GPN3: variants seen among roughly 807,000 people sequenced by gnomAD.
GPN3 encodes the protein GPN-loop GTPase 3, also known as ATP-binding domain 1 family member C.
In GPN3, 31 loss-of-function variants were observed where a neutral mutation model predicts 38.7. The observed-to-expected ratio is 0.80, with a 90% CI of 0.60 to 1.08. The LOEUF (loss-of-function observed/expected upper bound fraction) is 1.08, where lower values mean the gene tolerates loss of function less well. Ranked by LOEUF, GPN3 falls within the 50% of genes least tolerant of loss-of-function variation. The probability of loss-of-function intolerance (pLI) is 0.00; values close to 1 mark genes in which losing one functional copy is unlikely to be tolerated. For synonymous variants in GPN3, 116 were observed against 120.2 expected (o/e 0.96, Z 0.23); for missense variants, 301 against 354.4 (o/e 0.85, Z 1.21).
At chr12:110,466,391 A>G (rs2062627546) in intron 1 of GPN3, among the ~76,000 whole-genome samples, 1 of 152,240 alleles carries the variant, frequency 6.6e-6, no homozygotes, top group East Asian at 1.9e-4. Flanking sequence ...TAATACAATC[A>G]GCCCAAAAAT....
chr12:110,464,882 C>T (rs781498896), intron 2 of GPN3: 65 of 507,228 alleles, frequency 1.3e-4, no homozygotes, highest in Non-Finnish European at 1.8e-4. Context: ...CATGAGCCTC[C>T]GCGCCCGGCC....
At chr12:110,466,238 A>G (rs1389040306) in intron 1 of GPN3, among the ~76,000 whole-genome samples, 1 of 152,140 alleles carries the variant, frequency 6.6e-6, no homozygotes, top group Non-Finnish European at 1.5e-5. Flanking sequence ...GTTTAAAGAT[A>G]AGCTCCACAA....
chr12:110,457,489 G>A (rs2135517539), intron 4 of GPN3, 21 bp downstream of exon 4: 13 of 635,778 alleles, frequency 2.0e-5, no homozygotes, highest in Non-Finnish European at 3.3e-5. Flanking sequence ...AAAAAAATCT[G>A]TAAGAGATTT....
intron 1 of GPN3, among the ~76,000 whole-genome samples, chr12:110,466,713 C>A (rs576077023): frequency 1.3e-5 from 2 of 152,094 alleles, no homozygotes; most frequent in African/African-American, 4.8e-5. Flanking sequence ...CCAGGCTGAC[C>A]CTGAACTCCT....
At chr12:110,463,993 CTATT>C (rs1057333355) in intron 2 of GPN3, among the ~76,000 whole-genome samples, 12 of 151,898 alleles carry the variant, frequency 7.9e-5, no homozygotes, top group African/African-American at 9.7e-5. Context: ...CACCTCCAGG[CTATT>C]TATTTATTTA....
chr12:110,468,271 G>A, upstream of GPN3: 1 of 1,601,462 alleles, frequency 6.2e-7, no homozygotes, highest in Non-Finnish European at 8.5e-7. Context: ...CTCCGGGAAA[G>A]TGAAGTGCGA....
intron 5 of GPN3, 23 bp from the exon 6 acceptor site, chr12:110,455,705 T>C (rs767642220): frequency 9.3e-7 from 1 of 1,076,602 alleles, no homozygotes; most frequent in South Asian, 1.3e-5. Context: ...GAAAGACTGA[T>C]GAATTCAGGA....
chr12:110,457,664 A>G, intron 3 of GPN3, 30 bp from the exon 4 acceptor site: 1 of 1,528,388 alleles, frequency 6.5e-7, no homozygotes, highest in Non-Finnish European at 8.9e-7. Context: ...AGAATTTTAG[A>G]AATAGCAAGT....
In GPN3 at chr12:110,455,832, T is replaced by G; in HGVS notation, c.549A>C (p.Ala183=). The change falls in exon 5 of 8, where the codon GCA becomes GCC. Residue 183 remains alanine (A), a synonymous_variant. Transcript: ENST00000228827. ...GAACTCACTTCTCAATTTCCTTTTT[T>G]GCTTTTTTACTCAGCAGATCCATTT... ...MTKMDLLSKK[A]KKEIEKFLDP... 1 of 1,577,228 alleles carries G rather than the reference T, an allele frequency of 6.3e-7. No homozygotes were observed. Among genetic ancestry groups the G allele is most frequent in the South Asian group, 1.1e-5 (1 of 90,338 alleles).
In GPN3 at chr12:110,468,017, T is replaced by G. The variant is rs867954053; in HGVS notation, c.48+139A>C. The stretch of plus-strand genomic sequence containing the variant: ...TTCAAAACAACAACAAAAAAGAACG[T>G]GAAGCCAGACAGCAGAAATGAGTTG... On this transcript the variant is annotated intron_variant, in intron 1 of 7. Transcript: ENST00000228827. The G allele has an allele frequency of 3.4e-6, 4 of 1,180,950 alleles. No homozygotes were observed. In the Middle Eastern group the frequency reaches 5.7e-4, roughly 169 times the overall value. The allele number at this position is 1,180,950 out of a possible 1,614,324, so 73.2% of individuals were successfully genotyped here. A position where few individuals can be genotyped will look rare whatever the true frequency, so the allele number is the denominator to read the frequency against.
chr12:110,461,932 C>T (rs977452131), intron 2 of GPN3, among the ~76,000 whole-genome samples: 8 of 152,114 alleles, frequency 5.3e-5, no homozygotes, highest in African/African-American at 1.9e-4. Flanking sequence ...ACCTTGACCT[C>T]GTAGGCTCAA....
upstream of GPN3, chr12:110,468,351 G>A: frequency 6.5e-7 from 1 of 1,535,414 alleles, no homozygotes; most frequent in African/African-American, 1.4e-5. Flanking sequence ...GCAGCCCGCG[G>A]GCCAAATCCC....
rs2062524743 is a variant in GPN3 at position 110,453,108 on chromosome 12, G to C, written c.793-12C>G. On this transcript the variant is annotated splice_polypyrimidine_tract_variant and intron_variant, in intron 7 of 7. Transcript: ENST00000228827. ...TCATCTTCACGTTCCTGACACAATGGAAACACAAAATAGAAAATATATTCA... is the reference window on the plus strand; with the variant it reads ...TCATCTTCACGTTCCTGACACAATGCAAACACAAAATAGAAAATATATTCA... The C allele has an allele frequency of 1.5e-6, 2 of 1,299,680 alleles. No individual in the cohort carries two copies. The highest frequency in any genetic ancestry group is 2.2e-6 in the Non-Finnish European group (2 of 898,784). The allele number at this position is 1,299,680 out of a possible 1,614,324, so 80.5% of individuals were successfully genotyped here.
At chr12:110,467,947 G>A (rs1479124037) in intron 1 of GPN3, among the ~76,000 whole-genome samples, 1 of 152,086 alleles carries the variant, frequency 6.6e-6, no homozygotes, top group Admixed American at 6.6e-5. Flanking sequence ...CTGCTGCCTG[G>A]GGCTTAAGTA....
chr12:110,468,513 G>A (rs1565847589), upstream of GPN3: 1 of 1,537,268 alleles, frequency 6.5e-7, no homozygotes. Flanking sequence ...GCATCCTTGC[G>A]CCACGTGCTT....
chr12:110,468,243 C>G lies in GPN3; in HGVS notation c.-40G>C, dbSNP rs1483188441. ...CCGCCCGCCACACTCCCTTAGCCTT[C>G]GCGCGACGCCCACTGAGCTCCGGGA... On this transcript the variant is annotated 5_prime_UTR_variant, in exon 1 of 8. Transcript: ENST00000228827. The G allele has an allele frequency of 6.2e-7, 1 of 1,605,568 alleles. No individual in the cohort carries two copies. Among genetic ancestry groups the G allele is most frequent in the African/African-American group, 1.3e-5 (1 of 74,910 alleles).
chr12:110,457,281 C>T (rs976954216), intron 4 of GPN3, among the ~76,000 whole-genome samples: 9 of 150,832 alleles, frequency 6.0e-5, no homozygotes, highest in African/African-American at 9.8e-5. Context: ...GGTAAAACCC[C>T]GTCTCTACTA....
upstream of GPN3, chr12:110,468,297 C>T (rs1406156851): frequency 1.9e-6 from 3 of 1,592,804 alleles, no homozygotes; most frequent in South Asian, 1.1e-5. Flanking sequence ...TCGCAATCCA[C>T]ATTCTTTCTA....
At chr12:110,453,309 C>G (rs1400694412) in intron 7 of GPN3, among the ~76,000 whole-genome samples, 1 of 152,030 alleles carries the variant, frequency 6.6e-6, no homozygotes, top group African/African-American at 2.4e-5. Context: ...GCTTCTATCC[C>G]AGAAGCATTT....
Sources: allele counts gnomAD v4.1 joint callset (sites outside exome capture counted in the v4.1 genomes callset), GRCh38; gene constraint gnomAD v4.1.1; transcripts MANE v1.5; gene names NCBI Gene and HGNC (gene_info 2026-07-23, HGNC 2026-07-21).